CUEDC1: variants seen among roughly 807,000 people sequenced by gnomAD.
The protein encoded by CUEDC1 is CUE domain-containing protein 1.
A neutral mutation model predicts 43.7 loss-of-function variants in CUEDC1; 30 were observed. The ratio of observed to expected loss-of-function variants is 0.69; its 90% CI spans 0.51 to 0.93. The LOEUF (loss-of-function observed/expected upper bound fraction) is 0.93, where lower values mean the gene tolerates loss of function less well. Ranked by LOEUF, CUEDC1 falls within the 40% of genes least tolerant of loss-of-function variation. The pLI, the probability that CUEDC1 is intolerant of heterozygous loss-of-function variation, is 0.00. For synonymous variants in CUEDC1, 223 were observed against 223.6 expected (o/e 1.00, Z 0.02); for missense variants, 486 against 549.0 (o/e 0.89, Z 1.15).
intron 1 of CUEDC1, among the ~76,000 whole-genome samples, chr17:57,909,039 G>C (rs2143045794): frequency 6.6e-6 from 1 of 152,106 alleles, no homozygotes; most frequent in East Asian, 1.9e-4. Context: ...GGCTGTCTCA[G>C]AGACCTACTT....
chr17:57,920,701 G>A (rs970535093), intron 1 of CUEDC1, among the ~76,000 whole-genome samples: 2 of 148,858 alleles, frequency 1.3e-5, no homozygotes, highest in Admixed American at 6.8e-5. Context: ...GTGCAATCTC[G>A]GCTCACTGCA....
At position 57,873,859 on chromosome 17, in the gene CUEDC1, G is replaced by A. The variant is rs139860840; in HGVS notation, c.465-142C>T. ...TCCACTGCCTCCAGAACAAAGGCCC[G>A]TCACTCTGTCTCATCACTGGAGATG... On this transcript the variant is annotated intron_variant, in intron 3 of 10. Coordinates refer to ENST00000577830, the MANE Select transcript of CUEDC1 (RefSeq NM_001271875.2). 1.7e-3 allele frequency: 1,413 copies of A among 814,524 alleles called. 15 individuals carry two copies. In the African/African-American group the frequency reaches 0.021, roughly 12 times the overall value. The allele number at this position is 814,524 out of a possible 1,614,324, so 50.5% of individuals were successfully genotyped here.
intron 3 of CUEDC1, among the ~76,000 whole-genome samples, chr17:57,879,064 C>T (rs2586046): frequency 0.39 from 59,384 of 152,136 alleles, 14,155 homozygotes; most frequent in East Asian, 0.91. Flanking sequence ...TATCAAACTA[C>T]CTTAATGAAA....
chr17:57,879,551 GCCCCAGCCACTGATCCTCTT>G, intron 3 of CUEDC1, 40 bp downstream of exon 3: 1 of 1,518,856 alleles, frequency 6.6e-7, no homozygotes, highest in Admixed American at 2.4e-5. Flanking sequence ...TTTGTACACA[GCCCCAGCCACTGATCCTCTT>G]CCCTGCCACC....
At chr17:57,929,606 A>G (rs80053865) in intron 1 of CUEDC1, among the ~76,000 whole-genome samples, 5,576 of 152,274 alleles carry the variant, frequency 0.037, 138 homozygotes, top group South Asian at 0.066. Context: ...AGACTGGCTC[A>G]GACTGGTCAT....
chr17:57,947,405 G>C (rs1194516805), intron 1 of CUEDC1, among the ~76,000 whole-genome samples: 1 of 152,188 alleles, frequency 6.6e-6, no homozygotes, highest in Non-Finnish European at 1.5e-5. Context: ...CCAAGAGCAA[G>C]CTTTGTTCTC....
At position 57,872,742 on chromosome 17, in the gene CUEDC1, C is replaced by A; in HGVS notation, c.705G>T (p.Arg235Ser). 6.2e-7 allele frequency: 1 copy of A among 1,614,208 alleles called. No homozygotes were observed. The highest frequency in any genetic ancestry group is 8.5e-7 in the Non-Finnish European group (1 of 1,180,042). The change falls in exon 5 of 11, where the codon AGG becomes AGT. Residue 235 changes from arginine (R) to serine (S), a missense_variant. By Grantham distance (110) the Arg-to-Ser change is moderately radical. Transcript: ENST00000577830. ...SRWKQYLEDERIALFLQNEEF... is the reference protein window; with the variant it reads ...SRWKQYLEDESIALFLQNEEF... ...CCTCGTTCTGCAGGAAAAGCGCGAT[C>A]CTCTCGTCCTCCAGGTACTGCTTCC...
intron 1 of CUEDC1, among the ~76,000 whole-genome samples, chr17:57,928,374 C>A (rs2074769295): frequency 6.6e-6 from 1 of 151,902 alleles, no homozygotes; most frequent in Admixed American, 6.6e-5. Flanking sequence ...ACGGTGAAAC[C>A]CCATCTCTAC....
At chr17:57,928,781 A>T (rs2143145808) in intron 1 of CUEDC1, among the ~76,000 whole-genome samples, 1 of 121,768 alleles carries the variant, frequency 8.2e-6, no homozygotes, top group East Asian at 2.8e-4. Flanking sequence ...CCTGCCTGGG[A>T]GACAGTATCC....
intron 5 of CUEDC1, among the ~76,000 whole-genome samples, chr17:57,872,150 G>A (rs191552392): frequency 1.3e-5 from 2 of 152,332 alleles, no homozygotes; most frequent in East Asian, 3.9e-4. Context: ...ACCCTGCAGG[G>A]GAAAGGCAGC....
At chr17:57,917,098 T>C (rs942689989) in intron 1 of CUEDC1, among the ~76,000 whole-genome samples, 1 of 152,154 alleles carries the variant, frequency 6.6e-6, no homozygotes, top group Non-Finnish European at 1.5e-5. Flanking sequence ...ACCTGAACAG[T>C]GGAGAAGAAT....
At chr17:57,924,474 G>A (rs1275755734) in intron 1 of CUEDC1, among the ~76,000 whole-genome samples, 1 of 152,236 alleles carries the variant, frequency 6.6e-6, no homozygotes, top group Non-Finnish European at 1.5e-5. Context: ...TTCATTTGGG[G>A]CAGAGAAGAA....
At chr17:57,926,024 C>T (rs1246464808) in intron 1 of CUEDC1, among the ~76,000 whole-genome samples, 1 of 152,238 alleles carries the variant, frequency 6.6e-6, no homozygotes, top group East Asian at 1.9e-4. Flanking sequence ...AGTCCTCATC[C>T]TAGGGTCAGG....
chr17:57,868,471 A>C (rs1360862481), intron 7 of CUEDC1: 6 of 566,626 alleles, frequency 1.1e-5, no homozygotes, highest in Non-Finnish European at 1.6e-5. Context: ...GGGGCAGCAC[A>C]GGACACCCTG....
At chr17:57,902,816 C>T (rs967314393) in intron 1 of CUEDC1, among the ~76,000 whole-genome samples, 6 of 152,208 alleles carry the variant, frequency 3.9e-5, no homozygotes, top group African/African-American at 1.4e-4. Flanking sequence ...GGTGCCATGC[C>T]ATCCTCACAA....
In CUEDC1 at chr17:57,863,599, C is replaced by T. The variant is rs137888687; in HGVS notation, c.*4-314G>A. 3.1e-3 allele frequency among the ~76,000 whole-genome samples: 476 copies of T among 152,178 alleles called. 4 individuals are homozygous for T. Among genetic ancestry groups the T allele is most frequent in the African/African-American group, 9.8e-3 (407 of 41,508 alleles). On this transcript the variant is annotated intron_variant, in intron 10 of 10. Transcript: ENST00000577830. Reference sequence around the variant, plus strand: ...GGAGGGTACCTGGCCCATTCTAATACGTCATAGCTCAGGGGAGCTAGGCCA... The same window carrying T: ...GGAGGGTACCTGGCCCATTCTAATATGTCATAGCTCAGGGGAGCTAGGCCA...
At chr17:57,924,469 T>C (rs2074727331) in intron 1 of CUEDC1, among the ~76,000 whole-genome samples, 1 of 152,090 alleles carries the variant, frequency 6.6e-6, no homozygotes, top group South Asian at 2.1e-4. Flanking sequence ...ACCCTTTCAT[T>C]TGGGGCAGAG....
chr17:57,921,798 T>G (rs1445414884), intron 1 of CUEDC1, among the ~76,000 whole-genome samples: 1 of 152,152 alleles, frequency 6.6e-6, no homozygotes, highest in Non-Finnish European at 1.5e-5. Flanking sequence ...CCACTGCCTC[T>G]GTTTTCCACT....
At position 57,954,216 on chromosome 17, in the gene CUEDC1, G is replaced by C. The variant is rs1400207531; in HGVS notation, c.-316+1009C>G. Among the ~76,000 whole-genome samples, 1 of 152,162 alleles carries C rather than the reference G, an allele frequency of 6.6e-6. No individual in the cohort carries two copies. The highest frequency in any genetic ancestry group is 2.4e-5 in the African/African-American group (1 of 41,432). ...CACCCAGGGAAGGCTCATTCCTCTC[G>C]CTACAAGACGCTGACTGCGGATCAG... On this transcript the variant is annotated intron_variant, in intron 1 of 10. Coordinates refer to ENST00000577830, the MANE Select transcript of CUEDC1 (RefSeq NM_001271875.2). This position sits in a 1 kb window ranked among gnomAD's most constrained non-coding sequence, Gnocchi z 4.3.
Sources: allele counts gnomAD v4.1 joint callset (sites outside exome capture counted in the v4.1 genomes callset), GRCh38; gene constraint gnomAD v4.1.1; non-coding constraint Gnocchi (gnomAD v3.1); transcripts MANE v1.5; gene names NCBI Gene and HGNC (gene_info 2026-07-23, HGNC 2026-07-21).